NKPD1: variants seen among roughly 807,000 people sequenced by gnomAD.
NKPD1 encodes the protein NTPase KAP family P-loop domain-containing protein 1.
In NKPD1, 37 loss-of-function variants were observed where a neutral mutation model predicts 42.2. The observed-to-expected ratio is 0.88, with a 90% CI of 0.67 to 1.15. NKPD1 has a LOEUF of 1.15. Ranked by LOEUF, NKPD1 falls within the 50% of genes most tolerant of loss-of-function variation. The probability of loss-of-function intolerance (pLI) is 0.00; values close to 1 mark genes in which losing one functional copy is unlikely to be tolerated. For synonymous variants in NKPD1, 552 were observed against 536.5 expected (o/e 1.03, Z -0.40); for missense variants, 1,113 against 1,174.6 (o/e 0.95, Z 0.77).
rs937398523 is a variant in NKPD1 at position 45,152,175 on chromosome 19, C to T, written c.2262G>A (p.Met754Ile). The T allele has an allele frequency of 3.1e-6, 5 of 1,595,236 alleles. No individual in the cohort carries two copies. In the African/African-American group the frequency reaches 6.7e-5, roughly 21 times the overall value. ...GCGCGCTGACGGCTCGGATGAGACC[C>T]ATGCGCCGGCGGATGGAGTGGTCCA... Reference protein sequence around the residue: ...VNLDHSIRRRMGLIRAVSALK... With the variant: ...VNLDHSIRRRIGLIRAVSALK... Residue 754 changes from methionine (M) to isoleucine (I), a missense_variant, in exon 5 of 5, where the codon ATG becomes ATA. Coordinates refer to ENST00000686631, the MANE Select transcript of NKPD1 (RefSeq NM_198478.4).
At position 45,152,765 on chromosome 19, in the gene NKPD1, G is replaced by A. The variant is rs546956095; in HGVS notation, c.1672C>T (p.Arg558Cys). 4 of 1,596,366 alleles carry A rather than the reference G, an allele frequency of 2.5e-6. No homozygotes were observed. The highest frequency in any genetic ancestry group is 4.6e-5 in the East Asian group (2 of 43,534). ...GCGTCCCCCGGCAGCCACGGCTTGC[G>A]CGTCATCTCGCGGTACAACAGGTCG... is the stretch of plus-strand genomic sequence containing the variant. Reference protein sequence around the residue: ...RDDLLYREMTRKPWLPGDAGG... With the variant: ...RDDLLYREMTCKPWLPGDAGG... The change falls in exon 5 of 5, where the codon CGC becomes TGC. Residue 558 changes from arginine (R) to cysteine (C), a missense_variant. Arg to Cys is a radical substitution (Grantham distance 180). This residue lies in a region of NKPD1 where 867 missense variants were observed against 870.1 expected (regional missense o/e 1.00). Coordinates refer to ENST00000686631, the MANE Select transcript of NKPD1 (RefSeq NM_198478.4).
In NKPD1 at chr19:45,152,419, C is replaced by T. The variant is rs1348652304; in HGVS notation, c.2018G>A (p.Cys673Tyr). The T allele has an allele frequency of 6.4e-7, 1 of 1,570,468 alleles. No individual in the cohort carries two copies. Among genetic ancestry groups the T allele is most frequent in the Non-Finnish European group, 8.6e-7 (1 of 1,160,160 alleles). The stretch of plus-strand genomic sequence containing the variant: ...CCCGGTCTGCTGCCGGTCCTCCAGG[C>T]ACTGCAGCGCCCAGCTCAGGCGGCA... ...WPCRLSWALQ[C>Y]LEDRQQTGGA... The change falls in exon 5 of 5, where the codon TGC becomes TAC. Residue 673 changes from cysteine to tyrosine, a missense_variant. Physicochemically the swap from Cys to Tyr is radical, Grantham distance 194. Coordinates refer to ENST00000686631, the MANE Select transcript of NKPD1 (RefSeq NM_198478.4).
At chr19:45,156,755 TGGG>T (rs528774338) in intron 3 of NKPD1, among the ~76,000 whole-genome samples, 96 of 152,188 alleles carry the variant, frequency 6.3e-4, no homozygotes, top group Non-Finnish European at 1.2e-3. Context: ...GGTTCAGTCT[TGGG>T]GGGACACATG....
Position 45,152,735 on chromosome 19 carries a change from C to G in NKPD1, c.1702G>C (p.Gly568Arg). The G allele has an allele frequency of 6.3e-7, 1 of 1,586,322 alleles. No homozygotes were observed. The highest frequency in any genetic ancestry group is 1.1e-5 in the South Asian group (1 of 88,198). The change falls in exon 5 of 5, where the codon GGC becomes CGC. Residue 568 changes from glycine (G) to arginine (R), a missense_variant. Physicochemically the swap from Gly to Arg is moderately radical, Grantham distance 125 (BLOSUM62 -2). Coordinates refer to ENST00000686631, the MANE Select transcript of NKPD1 (RefSeq NM_198478.4). Reference protein sequence around the residue: ...RKPWLPGDAGGESAQLLAVQA... With the variant: ...RKPWLPGDAGRESAQLLAVQA... ...ACCGCCAGCAGCTGCGCGCTCTCGC[C>G]CCCGGCGTCCCCCGGCAGCCACGGC...
At position 45,160,079 on chromosome 19, in the gene NKPD1, TG is replaced by T. The variant is rs1968978039; in HGVS notation, c.71del (p.Pro24GlnfsTer128). The T allele has an allele frequency of 7.7e-7, 1 of 1,304,458 alleles. No individual in the cohort carries two copies. Among genetic ancestry groups the T allele is most frequent in the Non-Finnish European group, 1.0e-6 (1 of 988,480 alleles). The allele number at this position is 1,304,458 out of a possible 1,614,324, so 80.8% of individuals were successfully genotyped here. On this transcript the variant is annotated frameshift_variant, in exon 2 of 5. Coordinates refer to ENST00000686631, the MANE Select transcript of NKPD1 (RefSeq NM_198478.4). LOFTEE classifies it high-confidence loss of function. ...CCGTACCTTTTCGGTGCCCCAACTCTGGGTCCCAGAAGTAGTGCCCGTTGGG... is the reference window on the plus strand; with the variant it reads ...CCGTACCTTTTCGGTGCCCCAACTCTGGTCCCAGAAGTAGTGCCCGTTGGG... ...QSPNGHYFWD[P>X]ELGHRKGCCH...
rs1271764833 is a variant in NKPD1 at position 45,158,078 on chromosome 19, C to T, written c.529+585G>A. Among the ~76,000 whole-genome samples, 1 of 152,142 alleles carries T rather than the reference C, an allele frequency of 6.6e-6. No individual in the cohort carries two copies. The highest frequency in any genetic ancestry group is 2.4e-5 in the African/African-American group (1 of 41,398). On this transcript the variant is annotated intron_variant, in intron 3 of 4. Coordinates refer to ENST00000686631, the MANE Select transcript of NKPD1 (RefSeq NM_198478.4). The surrounding 1 kb of genome is among the most constrained non-coding windows in gnomAD (Gnocchi z 4.6). ...CCTGTACCTGCCCCCGGCTGCAATG[C>T]AATGTGAGCCCCATGAAGACAAGAG... is the stretch of plus-strand genomic sequence containing the variant.
chr19:45,152,793 G>T lies in NKPD1; in HGVS notation c.1644C>A (p.Arg548=). 4.4e-6 allele frequency: 7 copies of T among 1,602,560 alleles called. No individual in the cohort carries two copies. The highest frequency in any genetic ancestry group is 6.0e-6 in the Non-Finnish European group (7 of 1,175,240). Residue 548 remains arginine, a synonymous_variant, in exon 5 of 5, where the codon CGC becomes CGA. Coordinates refer to ENST00000686631, the MANE Select transcript of NKPD1 (RefSeq NM_198478.4). The part of the protein sequence containing the change: ...LQFLHDAVQS[R]DDLLYREMTR... ...TCATCTCGCGGTACAACAGGTCGTCGCGGCTCTGCACCGCATCGTGCAGGA... is the reference window on the plus strand; with the variant it reads ...TCATCTCGCGGTACAACAGGTCGTCTCGGCTCTGCACCGCATCGTGCAGGA...
At position 45,152,524 on chromosome 19, in the gene NKPD1, T is replaced by TGCTGCA; in HGVS notation, c.1907_1912dup (p.Leu636_Gln637dup). ...CCCAAAGTCCCCCTGCTGCTGCTGC[T>TGCTGCA]GCTGCAGCAGGCGCACGGTGATGGG... On this transcript the variant is annotated inframe_insertion, in exon 5 of 5. Transcript: ENST00000686631. 1 of 1,574,330 alleles carries TGCTGCA rather than the reference T, an allele frequency of 6.4e-7. No individual in the cohort carries two copies. The highest frequency in any genetic ancestry group is 8.6e-7 in the Non-Finnish European group (1 of 1,169,138).
upstream of NKPD1, among the ~76,000 whole-genome samples, chr19:45,162,095 C>T (rs930572604): frequency 5.3e-5 from 8 of 152,128 alleles, no homozygotes; most frequent in African/African-American, 1.7e-4. Flanking sequence ...AGTGGGCCTC[C>T]GTGCCAACCC....
At chr19:45,153,914 G>T in intron 4 of NKPD1, 139 bp from the exon 5 acceptor site, 1 of 841,294 alleles carries the variant, frequency 1.2e-6, no homozygotes, top group Non-Finnish European at 1.7e-6. Flanking sequence ...AGCCGCGGCC[G>T]CTCCTTAAAG....
chr19:45,157,281 A>G (rs1397126747), intron 3 of NKPD1, among the ~76,000 whole-genome samples: 1 of 152,236 alleles, frequency 6.6e-6, no homozygotes, highest in African/African-American at 2.4e-5. Context: ...TGGCCCGGGA[A>G]CATGCCTCCT....
At position 45,150,757 on chromosome 19, in the gene NKPD1, T is replaced by G. The variant is rs904928881; in HGVS notation, c.*1181A>C. ...AGAACTCCGGTGCTGCAGCCAGACC[T>G]GGATGCTATGCCCAGCCTTGGAACT... On this transcript the variant is annotated 3_prime_UTR_variant, in exon 5 of 5. Coordinates refer to ENST00000686631, the MANE Select transcript of NKPD1 (RefSeq NM_198478.4). 1 of 152,290 alleles carries G rather than the reference T, an allele frequency of 6.6e-6. No homozygotes were observed. The highest frequency in any genetic ancestry group is 2.4e-5 in the African/African-American group (1 of 41,448). The allele number at this position is 152,290 out of a possible 1,614,324, so 9.4% of individuals were successfully genotyped here. A position where few individuals can be genotyped will look rare whatever the true frequency, so the allele number is the denominator to read the frequency against.
Position 45,158,706 on chromosome 19 carries a change from C to G in NKPD1, c.486G>C (p.Leu162=), listed in dbSNP as rs570192671. 18 of 1,192,886 alleles carry G rather than the reference C, an allele frequency of 1.5e-5. No individual in the cohort carries two copies. In the African/African-American group the frequency reaches 2.6e-4, roughly 17 times the overall value. 73.9% of individuals were successfully genotyped at this position (1,192,886 alleles called of 1,614,324 possible). A position where few individuals can be genotyped will look rare whatever the true frequency, so the allele number is the denominator to read the frequency against. Reference sequence around the variant, plus strand: ...AGGAGCCACAGGCCGCTGGGGCGGGCAGGGGCCGGGCATCAGTGGGCTCGC... The same window carrying G: ...AGGAGCCACAGGCCGCTGGGGCGGGGAGGGGCCGGGCATCAGTGGGCTCGC... ...KPSEPTDARP[L]PAPAACGSFT... Residue 162 remains leucine (L), a synonymous_variant, in exon 3 of 5, where the codon CTG becomes CTC. Coordinates refer to ENST00000686631, the MANE Select transcript of NKPD1 (RefSeq NM_198478.4). This position sits in a 1 kb window ranked among gnomAD's most constrained non-coding sequence, Gnocchi z 4.6.
rs1877219404 is a variant in NKPD1, at chr19:45,149,869, G to A, written c.*2069C>T. 1 of 152,134 alleles carries A rather than the reference G, an allele frequency of 6.6e-6. No individual in the cohort carries two copies. The highest frequency in any genetic ancestry group is 2.4e-5 in the African/African-American group (1 of 41,396). 9.4% of individuals were successfully genotyped at this position (152,134 alleles called of 1,614,324 possible). A position where few individuals can be genotyped will look rare whatever the true frequency, so the allele number is the denominator to read the frequency against. The stretch of plus-strand genomic sequence containing the variant: ...CTCTTAGGGCTCTGTTGCTCCCCAG[G>A]GCCTCAAGGATCCCGGATCAAGTGG... On this transcript the variant is annotated 3_prime_UTR_variant, in exon 5 of 5. Coordinates refer to ENST00000686631, the MANE Select transcript of NKPD1 (RefSeq NM_198478.4).
chr19:45,152,340 G>A lies in NKPD1; in HGVS notation c.2097C>T (p.Arg699=), dbSNP rs780439118. The part of the protein sequence containing the change: ...RLWDVFRDNS[R]ELHTMTKALQ... Reference sequence around the variant, plus strand: ...ACGCCTTGGTCATGGTGTGCAGCTCGCGGCTGTTGTCGCGGAAAACGTCCC... The same window carrying A: ...ACGCCTTGGTCATGGTGTGCAGCTCACGGCTGTTGTCGCGGAAAACGTCCC... The change falls in exon 5 of 5, where the codon CGC becomes CGT. Residue 699 remains arginine, a synonymous_variant. Coordinates refer to ENST00000686631, the MANE Select transcript of NKPD1 (RefSeq NM_198478.4). 1.6e-5 allele frequency: 26 copies of A among 1,605,304 alleles called. No individual in the cohort carries two copies. The highest frequency in any genetic ancestry group is 5.1e-5 in the Admixed American group (3 of 59,380).
chr19:45,157,519 C>G (rs1000505161), intron 3 of NKPD1, among the ~76,000 whole-genome samples: 4 of 151,982 alleles, frequency 2.6e-5, no homozygotes, highest in South Asian at 2.1e-4. Context: ...TCAAGGGATC[C>G]TCCTTCTTCA....
In NKPD1 at chr19:45,155,872, T is replaced by C; in HGVS notation, c.574A>G (p.Thr192Ala). The C allele has an allele frequency of 7.7e-7, 1 of 1,305,316 alleles. No homozygotes were observed. The highest frequency in any genetic ancestry group is 1.2e-5 in the South Asian group (1 of 81,020). The allele number at this position is 1,305,316 out of a possible 1,614,324, so 80.9% of individuals were successfully genotyped here. The stretch of plus-strand genomic sequence containing the variant: ...ACAGGGACCGGCACGTGGCAGAGTG[T>C]CTTGGCCAGGCAGCTGCAGTAGACG... ...DDVYCSCLAK[T>A]LCHVPVPVTV... Residue 192 changes from threonine to alanine, a missense_variant, in exon 4 of 5, where the codon ACA becomes GCA. Transcript: ENST00000686631.
rs1005437468 is a variant in NKPD1, at chr19:45,156,052, G to A, written c.530-136C>T. ...AAGGGGACTCAGGTCAAACCCTGCA[G>A]TGGAGGTTTCTGTGGCCATCAGTGG... On this transcript the variant is annotated intron_variant, in intron 3 of 4. Transcript: ENST00000686631. The A allele has an allele frequency of 1.9e-4, 154 of 809,828 alleles. 1 individual carries two copies. Among genetic ancestry groups the A allele is most frequent in the South Asian group, 1.7e-3 (100 of 58,492 alleles). The allele number at this position is 809,828 out of a possible 1,614,324, so 50.2% of individuals were successfully genotyped here.
rs1282631527 is a variant in NKPD1, at chr19:45,158,214, G to A, written c.529+449C>T. 6.6e-6 allele frequency among the ~76,000 whole-genome samples: 1 copy of A among 152,166 alleles called. No homozygotes were observed. The highest frequency in any genetic ancestry group is 2.4e-5 in the African/African-American group (1 of 41,426). On this transcript the variant is annotated intron_variant, in intron 3 of 4. Transcript: ENST00000686631. The surrounding 1 kb of genome is among the most constrained non-coding windows in gnomAD (Gnocchi z 4.6). The stretch of plus-strand genomic sequence containing the variant: ...GAGGGAGGGAGAGAGCAAGCAAGTG[G>A]GTCTTCCCATTGCTGACCTTTGCTC...
Sources: allele counts gnomAD v4.1 joint callset (sites outside exome capture counted in the v4.1 genomes callset), GRCh38; gene constraint gnomAD v4.1.1; regional missense constraint gnomAD v4.1.1; non-coding constraint Gnocchi (gnomAD v3.1); transcripts MANE v1.5; gene names NCBI Gene and HGNC (gene_info 2026-07-23, HGNC 2026-07-21).